The following TGM4 variants were observed in gnomAD, a reference collection of about 807,000 sequenced individuals.
TGM4 encodes the protein protein-glutamine gamma-glutamyltransferase 4.
In TGM4, 61 loss-of-function variants were observed where a neutral mutation model predicts 76.3. The ratio of observed to expected loss-of-function variants is 0.80; its 90% CI spans 0.65 to 0.99. The LOEUF is 0.99. Among genes scored for constraint, TGM4 ranks in the 50% least tolerant of loss-of-function variants. TGM4 has a pLI of 0.00. For synonymous variants in TGM4, 337 were observed against 329.8 expected, an observed-to-expected ratio of 1.02 and a Z score of -0.24; for missense variants, 794 against 843.2, an observed-to-expected ratio of 0.94 and a Z score of 0.72.
At chr3:44,891,359 CT>C (rs749146382) in intron 4 of TGM4, among the ~76,000 whole-genome samples, 6 of 100,572 alleles carry the variant, frequency 6.0e-5, no homozygotes, top group East Asian at 8.4e-4. Context: ...CCAAGGAGCT[CT>C]TTTTTTTTAA....
intron 2 of TGM4, among the ~76,000 whole-genome samples, chr3:44,887,235 G>A (rs959854675): frequency 6.6e-6 from 1 of 152,194 alleles, no homozygotes; most frequent in Non-Finnish European, 1.5e-5. Context: ...TAAACTGACC[G>A]ACCTTTCAAA....
At chr3:44,881,487 G>A (rs1271642206) in intron 1 of TGM4, among the ~76,000 whole-genome samples, 5 of 152,212 alleles carry the variant, frequency 3.3e-5, no homozygotes, top group Admixed American at 6.5e-5. Flanking sequence ...TCTGGTGAGG[G>A]CCTTCTTCCT....
chr3:44,905,849 A>G (rs1156310358), intron 9 of TGM4, among the ~76,000 whole-genome samples: 1 of 152,034 alleles, frequency 6.6e-6, no homozygotes, highest in Non-Finnish European at 1.5e-5. Context: ...CATACTCTGC[A>G]GGAAGATTCT....
rs564558644 is a variant in TGM4, at chr3:44,896,215, G to A, written c.550-494G>A. Among the ~76,000 whole-genome samples, 11 of 152,226 alleles carry A rather than the reference G, an allele frequency of 7.2e-5. No individual in the cohort carries two copies. In the South Asian group the frequency reaches 2.1e-3, roughly 29 times the overall value. On this transcript the variant is annotated intron_variant, in intron 5 of 13. Transcript: ENST00000296125. ...CAACCTCCGCCTCCTGAGTTCAAGCGATTCTCCTGACTCAGCTTCCCGAGT... is the reference window on the plus strand; with the variant it reads ...CAACCTCCGCCTCCTGAGTTCAAGCAATTCTCCTGACTCAGCTTCCCGAGT...
chr3:44,910,407 C>T, intron 11 of TGM4, 39 bp downstream of exon 11: 1 of 1,589,180 alleles, frequency 6.3e-7, no homozygotes. Context: ...CAAGTGGGCT[C>T]AGGGTCCCAC....
chr3:44,907,195 C>A lies in TGM4; in HGVS notation c.1322C>A (p.Pro441Gln). Residue 441 changes from proline to glutamine, a missense_variant, in exon 10 of 14, where the codon CCA becomes CAA. Physicochemically the swap from Pro to Gln is moderately conservative, Grantham distance 76. Coordinates refer to ENST00000296125, the MANE Select transcript of TGM4 (RefSeq NM_003241.4). ...RRDITYEYKY[P>Q]EGSSEERQVM... Reference sequence around the variant, plus strand: ...GATATCACCTATGAGTACAAGTATCCAGAAGGTGCTAGCATCACAGGGCTC... The same window carrying A: ...GATATCACCTATGAGTACAAGTATCAAGAAGGTGCTAGCATCACAGGGCTC... The A allele has an allele frequency of 1.9e-6, 3 of 1,613,162 alleles. No homozygotes were observed. The highest frequency in any genetic ancestry group is 2.5e-6 in the Non-Finnish European group (3 of 1,179,930).
rs1367893708 is a variant in TGM4 at position 44,914,750 on chromosome 3, T to C, written c.*1025T>C. 3.9e-5 allele frequency: 6 copies of C among 152,262 alleles called. No individual in the cohort carries two copies. The highest frequency in any genetic ancestry group is 7.3e-5 in the Non-Finnish European group (5 of 68,040). 9.4% of individuals were successfully genotyped at this position (152,262 alleles called of 1,614,324 possible). ...GTTGGCTTCTTTATTGTCTGTTCAG[T>C]ACATCCAACCCCTCTCTCAAAGGCT... On this transcript the variant is annotated 3_prime_UTR_variant, in exon 14 of 14. Coordinates refer to ENST00000296125, the MANE Select transcript of TGM4 (RefSeq NM_003241.4).
At position 44,885,515 on chromosome 3, in the gene TGM4, C is replaced by G; in HGVS notation, c.193+17C>G. 6.2e-7 allele frequency: 1 copy of G among 1,602,718 alleles called. No homozygotes were observed. The highest frequency in any genetic ancestry group is 8.5e-7 in the Non-Finnish European group (1 of 1,172,562). ...TCAGCACAGGTGAAGCCTCGGGGCCCTACTCATGGGGCTTTGGGGAGGGAT... is the reference window on the plus strand; with the variant it reads ...TCAGCACAGGTGAAGCCTCGGGGCCGTACTCATGGGGCTTTGGGGAGGGAT... On this transcript the variant is annotated intron_variant, in intron 2 of 13. Transcript: ENST00000296125.
At position 44,893,660 on chromosome 3, in the gene TGM4, A is replaced by G. The variant is rs140575096; in HGVS notation, c.514A>G (p.Arg172Gly). ...DTGCHYVGAA[R>G]SIKCKPWNFG... ...GGGCTGCCATTACGTGGGGGCTGCC[A>G]GAAGTATCAAATGCAAACCCTGGAA... The change falls in exon 5 of 14, where the codon AGA (arginine) becomes GGA (glycine). Residue 172 changes from arginine (R) to glycine (G), a missense_variant. Arg to Gly is a moderately radical substitution (Grantham distance 125, BLOSUM62 -2). Transcript: ENST00000296125. The G allele has an allele frequency of 4.5e-5, 73 of 1,613,938 alleles. No individual in the cohort carries two copies. The African/African-American group carries it at 6.4e-4, about 14-fold the overall frequency.
intron 2 of TGM4, 150 bp downstream of exon 2, chr3:44,885,648 C>T (rs369927794): frequency 1.2e-5 from 10 of 845,876 alleles, no homozygotes; most frequent in East Asian, 5.5e-5. Flanking sequence ...GGAATAATAG[C>T]GGGTGTGAAG....
intron 6 of TGM4, among the ~76,000 whole-genome samples, chr3:44,900,375 C>T (rs1699837167): frequency 6.6e-6 from 1 of 152,184 alleles, no homozygotes; most frequent in Non-Finnish European, 1.5e-5. Flanking sequence ...TGGCGGTGGC[C>T]TCTGCTCTCT....
intron 8 of TGM4, 60 bp from the exon 9 acceptor site, chr3:44,903,824 T>C: frequency 6.7e-7 from 1 of 1,489,034 alleles, no homozygotes; most frequent in Non-Finnish European, 9.4e-7. Flanking sequence ...TTTTGGCGTA[T>C]TTATCTCTAA....
At chr3:44,880,649 A>C (rs1532898) in intron 1 of TGM4, among the ~76,000 whole-genome samples, 45,533 of 152,174 alleles carry the variant, frequency 0.3, 8,110 homozygotes, top group East Asian at 0.83. Context: ...GTCTTCCAAG[A>C]GTCCTCTCCA....
In TGM4 at chr3:44,912,435, G is replaced by T. The variant is rs376634763; in HGVS notation, c.1913+1029G>T. ...AATTCCCATATATATCTGGGTCTCTGGACTCTTTAATTTGCTATTTCATTT... is the reference window on the plus strand; with the variant it reads ...AATTCCCATATATATCTGGGTCTCTTGACTCTTTAATTTGCTATTTCATTT... On this transcript the variant is annotated intron_variant, in intron 13 of 13. Coordinates refer to ENST00000296125, the MANE Select transcript of TGM4 (RefSeq NM_003241.4). Among the ~76,000 whole-genome samples, 26 of 152,088 alleles carry T rather than the reference G, an allele frequency of 1.7e-4. No individual in the cohort carries two copies. In the South Asian group the frequency reaches 4.2e-3, roughly 24 times the overall value.
At chr3:44,900,736 C>T (rs1012038482) in intron 6 of TGM4, 4 of 152,196 alleles carry the variant, frequency 2.6e-5, no homozygotes, top group African/African-American at 9.7e-5. Flanking sequence ...GAGGGTTCCT[C>T]TGCACCTGCC....
At chr3:44,905,994 T>C (rs2125758793) in intron 9 of TGM4, among the ~76,000 whole-genome samples, 1 of 152,316 alleles carries the variant, frequency 6.6e-6, no homozygotes, top group East Asian at 1.9e-4. Context: ...GGAAGCCCTG[T>C]TCCCTGGCCA....
intron 2 of TGM4, among the ~76,000 whole-genome samples, 157 bp from the exon 3 acceptor site, chr3:44,887,531 GC>G (rs1305699830): frequency 1.3e-5 from 2 of 152,050 alleles, no homozygotes; most frequent in Admixed American, 6.6e-5. Flanking sequence ...GCAGAAGGAG[GC>G]CCCTGCAGAA....
At chr3:44,886,077 C>G (rs552130085) in intron 2 of TGM4, among the ~76,000 whole-genome samples, 1 of 152,312 alleles carries the variant, frequency 6.6e-6, no homozygotes, top group East Asian at 1.9e-4. Context: ...GGCATGGCAG[C>G]TCATGCCTGT....
At chr3:44,897,070 C>A (rs1699789886) in intron 6 of TGM4, among the ~76,000 whole-genome samples, 1 of 138,146 alleles carries the variant, frequency 7.2e-6, no homozygotes, top group African/African-American at 2.7e-5. Context: ...GTGGCACGAT[C>A]TTGGCTCACT....
Sources: allele counts gnomAD v4.1 joint callset (sites outside exome capture counted in the v4.1 genomes callset), GRCh38; gene constraint gnomAD v4.1.1; transcripts MANE v1.5; gene names NCBI Gene and HGNC (gene_info 2026-07-23, HGNC 2026-07-21).